Variants in KANK3 observed in about 807,000 individuals in gnomAD.
KANK3 encodes the protein KN motif and ankyrin repeat domain-containing protein 3.
KANK3 carries 61 observed loss-of-function variants against 65.4 expected under a neutral mutation model. The observed-to-expected ratio is 0.93, with a 90% CI of 0.76 to 1.15. The LOEUF (loss-of-function observed/expected upper bound fraction) is 1.15, where lower values mean the gene tolerates loss of function less well. Ranked by LOEUF, KANK3 falls within the 50% of genes most tolerant of loss-of-function variation. The pLI, the probability that KANK3 is intolerant of heterozygous loss-of-function variation, is 0.00. For synonymous variants in KANK3, 586 were observed against 543.3 expected (o/e 1.08, Z -1.09); for missense variants, 1,187 against 1,178.8 (o/e 1.01, Z -0.10).
rs377064503 is a variant in KANK3 at position 8,322,795 on chromosome 19, G to C, written c.*44C>G. 3.5e-6 allele frequency: 5 copies of C among 1,436,920 alleles called. No homozygotes were observed. In the East Asian group the frequency reaches 1.1e-4, roughly 33 times the overall value. 89.0% of individuals were successfully genotyped at this position (1,436,920 alleles called of 1,614,324 possible). A position where few individuals can be genotyped will look rare whatever the true frequency, so the allele number is the denominator to read the frequency against. On this transcript the variant is annotated 3_prime_UTR_variant, in exon 11 of 11. Transcript: ENST00000330915. Reference sequence around the variant, plus strand: ...CGCCAAAGGCTGAGGTGACTGACGAGGAGATCTCCCCACAGCTAGGTGTAG... The same window carrying C: ...CGCCAAAGGCTGAGGTGACTGACGACGAGATCTCCCCACAGCTAGGTGTAG...
chr19:8,327,793 C>T (rs955353401), intron 7 of KANK3, among the ~76,000 whole-genome samples: 3 of 152,138 alleles, frequency 2.0e-5, no homozygotes, highest in South Asian at 4.1e-4. Flanking sequence ...GTTGGGGGGA[C>T]GTTCCCTGTT....
intron 1 of KANK3, among the ~76,000 whole-genome samples, chr19:8,340,291 TAC>T (rs147457593): frequency 0.015 from 1,387 of 92,636 alleles, 49 homozygotes; most frequent in African/African-American, 0.046. Flanking sequence ...TATATATATA[TAC>T]ACACACACAC....
intron 1 of KANK3, among the ~76,000 whole-genome samples, chr19:8,341,445 C>G (rs1451960147): frequency 2.0e-5 from 3 of 152,208 alleles, no homozygotes; most frequent in African/African-American, 7.2e-5. Flanking sequence ...GAGTCATGCT[C>G]TGTCGCCCAG....
In KANK3 at chr19:8,324,523, C is replaced by T. The variant is rs762165646; in HGVS notation, c.2308G>A (p.Ala770Thr). 10 of 1,613,588 alleles carry T rather than the reference C, an allele frequency of 6.2e-6. No homozygotes were observed. Among genetic ancestry groups the T allele is most frequent in the African/African-American group, 5.3e-5 (4 of 74,946 alleles). ...ACCTCATCCTGCTCAGCCTCCAGGG[C>T]GATGGCCAGGGCACTGGTGCCCTCC... ...DNEGTSALAI[A>T]LEAEQDEVAA... Residue 770 changes from alanine (A) to threonine (T), a missense_variant, in exon 10 of 11, where the codon GCC becomes ACC. By Grantham distance (58) the Ala-to-Thr change is moderately conservative. Coordinates refer to ENST00000330915, the MANE Select transcript of KANK3 (RefSeq NM_198471.3).
At position 8,334,525 on chromosome 19, in the gene KANK3, G is replaced by T. The variant is rs756743213; in HGVS notation, c.1302C>A (p.Asp434Glu). 6.2e-7 allele frequency: 1 copy of T among 1,603,844 alleles called. No homozygotes were observed. The part of the protein sequence containing the change: ...LTQESSPGSM[D>E]GDRAVAPAGI... Reference sequence around the variant, plus strand: ...CCGCGGGCGCCACGGCCCTGTCTCCGTCCATGGATCCGGGCGAGCTCTCCT... The same window carrying T: ...CCGCGGGCGCCACGGCCCTGTCTCCTTCCATGGATCCGGGCGAGCTCTCCT... Residue 434 changes from aspartate to glutamate, a missense_variant, in exon 3 of 11, where the codon GAC becomes GAA. By Grantham distance (45) the Asp-to-Glu change is conservative. Transcript: ENST00000330915.
At chr19:8,332,926 C>T in intron 7 of KANK3, 88 bp downstream of exon 7, 1 of 1,082,754 alleles carries the variant, frequency 9.2e-7, no homozygotes, top group Non-Finnish European at 1.4e-6. Context: ...CTCTGCTTTC[C>T]TCTCCAGAGT....
chr19:8,330,168 G>A (rs1162686060), intron 7 of KANK3, among the ~76,000 whole-genome samples: 1 of 152,192 alleles, frequency 6.6e-6, no homozygotes, highest in Admixed American at 6.5e-5. Flanking sequence ...CGTACCTCCA[G>A]ACTCTGGATT....
intron 1 of KANK3, among the ~76,000 whole-genome samples, chr19:8,341,995 CTTTCT>C (rs1223758286): frequency 4.6e-5 from 7 of 151,918 alleles, no homozygotes; most frequent in Admixed American, 3.9e-4. Flanking sequence ...CACTTGAATG[CTTTCT>C]TTTATTTTTA....
Position 8,335,675 on chromosome 19 carries a change from T to A in KANK3, c.152A>T (p.Tyr51Phe). The A allele has an allele frequency of 8.0e-7, 1 of 1,255,008 alleles. No homozygotes were observed. Among genetic ancestry groups the A allele is most frequent in the South Asian group, 3.9e-5 (1 of 25,736 alleles). 77.7% of individuals were successfully genotyped at this position (1,255,008 alleles called of 1,614,324 possible). The change falls in exon 3 of 11, where the codon TAC (tyrosine) becomes TTC (phenylalanine). Residue 51 changes from tyrosine (Y) to phenylalanine (F), a missense_variant. Physicochemically the swap from Tyr to Phe is conservative, Grantham distance 22 (BLOSUM62 3). Transcript: ENST00000330915. The stretch of plus-strand genomic sequence containing the variant: ...GGGGCCACGCTCCAGCTCCTCTATG[T>A]ACTTGAGGAAGTCCAGGTCCAGGTG... ...GFHLDLDFLKYIEELERGPAA... is the reference protein window; with the variant it reads ...GFHLDLDFLKFIEELERGPAA...
At position 8,334,524 on chromosome 19, in the gene KANK3, C is replaced by T. The variant is rs200912318; in HGVS notation, c.1303G>A (p.Gly435Arg). 1.2e-6 allele frequency: 2 copies of T among 1,603,956 alleles called. No individual in the cohort carries two copies. Among genetic ancestry groups the T allele is most frequent in the Non-Finnish European group, 1.7e-6 (2 of 1,179,572 alleles). ...TQESSPGSMD[G>R]DRAVAPAGIL... ...CCCGCGGGCGCCACGGCCCTGTCTC[C>T]GTCCATGGATCCGGGCGAGCTCTCC... The change falls in exon 3 of 11, where the codon GGA becomes AGA. Residue 435 changes from glycine (G) to arginine (R), a missense_variant. Gly to Arg is a moderately radical substitution (Grantham distance 125). Around this residue, in one of 3 missense-constraint regions of KANK3, gnomAD observed 1,078 missense variants for 1,038.2 expected, o/e 1.04. Transcript: ENST00000330915.
At chr19:8,326,420 TCAAA>T (rs376240211) in intron 7 of KANK3, among the ~76,000 whole-genome samples, 25 of 141,092 alleles carry the variant, frequency 1.8e-4, no homozygotes, top group African/African-American at 5.2e-4. Flanking sequence ...AGACCCTGTC[TCAAA>T]CAAACAAACA....
In KANK3 at chr19:8,333,507, C is replaced by G. The variant is rs903721748; in HGVS notation, c.1719+217G>C. ...CGGGGAAAGGCAATGAACGCTTGCCCTTGGGGAGTCCGGGAGTGGGGCTGG... is the reference window on the plus strand; with the variant it reads ...CGGGGAAAGGCAATGAACGCTTGCCGTTGGGGAGTCCGGGAGTGGGGCTGG... On this transcript the variant is annotated intron_variant, in intron 6 of 10. Coordinates refer to ENST00000330915, the MANE Select transcript of KANK3 (RefSeq NM_198471.3). The surrounding 1 kb of genome is among the most constrained non-coding windows in gnomAD (Gnocchi z 5.0). Among the ~76,000 whole-genome samples the G allele has an allele frequency of 2.0e-5, 3 of 152,186 alleles. No homozygotes were observed. Among genetic ancestry groups the G allele is most frequent in the African/African-American group, 7.2e-5 (3 of 41,460 alleles).
chr19:8,332,341 C>A (rs1970540643), intron 7 of KANK3, among the ~76,000 whole-genome samples: 1 of 151,862 alleles, frequency 6.6e-6, no homozygotes, highest in African/African-American at 2.4e-5. Flanking sequence ...CCACACCCAG[C>A]TAATTTTTGT....
In KANK3 at chr19:8,323,201, A is replaced by G. The variant is rs80229946; in HGVS notation, c.2383-279T>C. On this transcript the variant is annotated intron_variant, in intron 10 of 10. Coordinates refer to ENST00000330915, the MANE Select transcript of KANK3 (RefSeq NM_198471.3). ...TATTGCAAGTTGAAATGTGTTTAAT[A>G]CACCTAATCTCCCAAACATCACAGC... is the stretch of plus-strand genomic sequence containing the variant. 7.0e-3 allele frequency: 1,854 copies of G among 265,508 alleles called. 14 individuals carry two copies. The highest frequency in any genetic ancestry group is 0.01 in the Non-Finnish European group (1,453 of 140,902). The allele number at this position is 265,508 out of a possible 1,614,324, so 16.4% of individuals were successfully genotyped here. A position where few individuals can be genotyped will look rare whatever the true frequency, so the allele number is the denominator to read the frequency against.
At chr19:8,332,038 C>G (rs1970534915) in intron 7 of KANK3, among the ~76,000 whole-genome samples, 1 of 123,838 alleles carries the variant, frequency 8.1e-6, no homozygotes, top group African/African-American at 3.2e-5. Context: ...GTGGCCCAGG[C>G]TGGAGTGCAG....
chr19:8,334,507 C>G lies in KANK3; in HGVS notation c.1320G>C (p.Ala440=), dbSNP rs1427906164. 2.9e-5 allele frequency: 47 copies of G among 1,604,344 alleles called. No homozygotes were observed. Among genetic ancestry groups the G allele is most frequent in the Non-Finnish European group, 4.0e-5 (47 of 1,179,440 alleles). The change falls in exon 3 of 11, where the codon GCG becomes GCC. Residue 440 remains alanine (A), a synonymous_variant. Coordinates refer to ENST00000330915, the MANE Select transcript of KANK3 (RefSeq NM_198471.3). ...PGSMDGDRAV[A]PAGILKSIMK... ...GACGGGGTCGGGACTCACCCGCGGG[C>G]GCCACGGCCCTGTCTCCGTCCATGG...
In KANK3 at chr19:8,335,278, C is replaced by A. The variant is rs1341874475; in HGVS notation, c.549G>T (p.Leu183=). 8.2e-7 allele frequency: 1 copy of A among 1,218,856 alleles called. No individual in the cohort carries two copies. Among genetic ancestry groups the A allele is most frequent in the Non-Finnish European group, 1.0e-6 (1 of 978,950 alleles). The allele number at this position is 1,218,856 out of a possible 1,614,324, so 75.5% of individuals were successfully genotyped here. A position where few individuals can be genotyped will look rare whatever the true frequency, so the allele number is the denominator to read the frequency against. ...CGGCCATCTGCTCGCGCACCAGCTG[C>A]AGTTGGGCAGGGCCGGGCGAAGCAG... ...LAPASPGPAQ[L]QLVREQMAAA... is the part of the protein sequence containing the mutation. The change falls in exon 3 of 11, where the codon CTG becomes CTT. Residue 183 remains leucine, a synonymous_variant. Transcript: ENST00000330915.
intron 10 of KANK3, among the ~76,000 whole-genome samples, chr19:8,323,823 A>C (rs1418575021): frequency 6.6e-6 from 1 of 152,232 alleles, no homozygotes; most frequent in Non-Finnish European, 1.5e-5. Context: ...TTGGATTATG[A>C]AAGTGCTAAA....
chr19:8,330,120 G>A (rs1037246372), intron 7 of KANK3, among the ~76,000 whole-genome samples: 4 of 152,108 alleles, frequency 2.6e-5, no homozygotes, highest in African/African-American at 9.7e-5. Flanking sequence ...GAGGGTGAAA[G>A]GTCTGGAAGT....
Sources: gnomAD v4.1 joint callset for allele counts (sites outside exome capture counted in the v4.1 genomes callset) on GRCh38, gnomAD v4.1.1 for gene constraint, gnomAD v4.1.1 regional missense constraint, Gnocchi (gnomAD v3.1) non-coding constraint, MANE v1.5 for transcripts, NCBI Gene and HGNC (gene_info 2026-07-23, HGNC 2026-07-21) for gene names.